The following NXPE3 variants were observed in gnomAD, a reference collection of about 807,000 sequenced individuals.
The protein encoded by NXPE3 is NXPE family member 3.
NXPE3 carries 26 observed loss-of-function variants against 46.1 expected under a neutral mutation model. The ratio of observed to expected loss-of-function variants is 0.56; its 90% CI spans 0.41 to 0.78. The LOEUF (loss-of-function observed/expected upper bound fraction) is 0.78, where lower values mean the gene tolerates loss of function less well. Ranked by LOEUF, NXPE3 falls within the 30% of genes least tolerant of loss-of-function variation. The pLI, the probability that NXPE3 is intolerant of heterozygous loss-of-function variation, is 0.00. For missense variants in NXPE3, 620 were observed against 686.0 expected (o/e 0.90, Z 1.07); for synonymous variants, 272 against 257.9 (o/e 1.05, Z -0.52).
intron 4 of NXPE3, among the ~76,000 whole-genome samples, chr3:101,788,638 C>T (rs181232926): frequency 4.7e-4 from 71 of 151,938 alleles, no homozygotes; most frequent in African/African-American, 1.4e-3. Flanking sequence ...TTTTTTGAGA[C>T]GGAGTCTTGC....
intron 4 of NXPE3, among the ~76,000 whole-genome samples, chr3:101,790,151 G>A (rs771408109): frequency 1.4e-4 from 21 of 152,040 alleles, no homozygotes; most frequent in Non-Finnish European, 2.5e-4. Flanking sequence ...ACAAAATATG[G>A]TCTATTTTGG....
At chr3:101,792,941 G>T (rs1940601503) in intron 4 of NXPE3, among the ~76,000 whole-genome samples, 1 of 152,108 alleles carries the variant, frequency 6.6e-6, no homozygotes, top group Non-Finnish European at 1.5e-5. Context: ...TGATTTATTT[G>T]AGTAGTGTTT....
chr3:101,809,646 T>G (rs1215249171), intron 6 of NXPE3, among the ~76,000 whole-genome samples: 1 of 152,178 alleles, frequency 6.6e-6, no homozygotes, highest in African/African-American at 2.4e-5. Context: ...TTTATATCAG[T>G]GTAGACTCAT....
chr3:101,799,846 T>C (rs1403900264), intron 4 of NXPE3, among the ~76,000 whole-genome samples: 1 of 152,226 alleles, frequency 6.6e-6, no homozygotes, highest in African/African-American at 2.4e-5. Context: ...ATCAAATTTA[T>C]GGGCATAGAA....
At chr3:101,783,179 A>G (rs150532654) in intron 3 of NXPE3, among the ~76,000 whole-genome samples, 2,478 of 152,140 alleles carry the variant, frequency 0.016, 75 homozygotes, top group African/African-American at 0.057. Flanking sequence ...CTCCTGCCTC[A>G]GCCTCCCGAG....
At position 101,823,092 on chromosome 3, in the gene NXPE3, T is replaced by C. The variant is rs569473310; in HGVS notation, c.*1138T>C. 120 of 152,076 alleles carry C rather than the reference T, an allele frequency of 7.9e-4. No individual in the cohort carries two copies. Among genetic ancestry groups the C allele is most frequent in the African/African-American group, 2.7e-3 (110 of 41,464 alleles). The allele number at this position is 152,076 out of a possible 1,614,324, so 9.4% of individuals were successfully genotyped here. On this transcript the variant is annotated 3_prime_UTR_variant, in exon 8 of 8. Coordinates refer to ENST00000273347, the MANE Select transcript of NXPE3 (RefSeq NM_145037.4). ...ATTTGACTTATTAATTTTAAACGAG[T>C]TTAATTTGGGATCATTTAGTAAGTA...
At chr3:101,781,843 T>C (rs1326607363) in intron 1 of NXPE3, 1 of 152,216 alleles carries the variant, frequency 6.6e-6, no homozygotes, top group Non-Finnish European at 1.5e-5. Context: ...GTTTATATTT[T>C]TTCACTTATA....
At chr3:101,801,201 T>G in intron 4 of NXPE3, 34 bp from the exon 5 acceptor site, 1 of 1,564,618 alleles carries the variant, frequency 6.4e-7, no homozygotes, top group Non-Finnish European at 8.7e-7. Context: ...CCTATTATAG[T>G]GGTAATTTCT....
At chr3:101,807,494 AT>A (rs1007472069) in intron 6 of NXPE3, among the ~76,000 whole-genome samples, 7 of 145,764 alleles carry the variant, frequency 4.8e-5, no homozygotes, top group South Asian at 2.2e-4. Flanking sequence ...TGATTTTTGC[AT>A]TTTTTTTTTG....
At position 101,825,300 on chromosome 3, in the gene NXPE3, A is replaced by G. The variant is rs546880776; in HGVS notation, c.*3346A>G. 6 of 152,326 alleles carry G rather than the reference A, an allele frequency of 3.9e-5. No homozygotes were observed. The South Asian group carries it at 1.0e-3, about 26-fold the overall frequency. The allele number at this position is 152,326 out of a possible 1,614,324, so 9.4% of individuals were successfully genotyped here. A position where few individuals can be genotyped will look rare whatever the true frequency, so the allele number is the denominator to read the frequency against. On this transcript the variant is annotated 3_prime_UTR_variant, in exon 8 of 8. Transcript: ENST00000273347. ...TCTTCACTCTGGTGTGGAAATTTTG[A>G]TAGAGATTCCAATATCACTTAAACG...
At chr3:101,782,420 T>C (rs1283436383) in intron 2 of NXPE3, 130 bp downstream of exon 2, 1 of 152,204 alleles carries the variant, frequency 6.6e-6, no homozygotes, top group Non-Finnish European at 1.5e-5. Flanking sequence ...ATTCCTGTTA[T>C]AATGCGTAGG....
intron 5 of NXPE3, among the ~76,000 whole-genome samples, chr3:101,802,300 A>C (rs1467051864): frequency 6.6e-6 from 1 of 152,038 alleles, no homozygotes; most frequent in African/African-American, 2.4e-5. Flanking sequence ...TGTAAGTAAA[A>C]TCCCTTATTC....
rs1433202019 is a variant in NXPE3, at chr3:101,825,541, G to C, written c.*3587G>C. ...AAATCCATAATTCTATCATCTGAAT[G>C]CAATGAACATTAGCATTTAGGTATA... On this transcript the variant is annotated 3_prime_UTR_variant, in exon 8 of 8. Coordinates refer to ENST00000273347, the MANE Select transcript of NXPE3 (RefSeq NM_145037.4). The C allele has an allele frequency of 6.6e-6, 1 of 152,096 alleles. No homozygotes were observed. The highest frequency in any genetic ancestry group is 1.5e-5 in the Non-Finnish European group (1 of 68,022). 9.4% of individuals were successfully genotyped at this position (152,096 alleles called of 1,614,324 possible).
chr3:101,797,528 C>T (rs62280785), intron 4 of NXPE3, among the ~76,000 whole-genome samples: 6 of 130,622 alleles, frequency 4.6e-5, no homozygotes, highest in Non-Finnish European at 6.5e-5. Context: ...CACCCACTAA[C>T]GTGTCATCTA....
At chr3:101,809,384 G>C (rs893477398) in intron 6 of NXPE3, among the ~76,000 whole-genome samples, 1 of 152,086 alleles carries the variant, frequency 6.6e-6, no homozygotes, top group Non-Finnish European at 1.5e-5. Flanking sequence ...GGACCAGCAG[G>C]GGGCATTCAA....
At chr3:101,796,841 T>C (rs976740176) in intron 4 of NXPE3, among the ~76,000 whole-genome samples, 1 of 152,196 alleles carries the variant, frequency 6.6e-6, no homozygotes, top group Non-Finnish European at 1.5e-5. Flanking sequence ...TATTTTTACC[T>C]TATGTAGGAT....
chr3:101,805,327 G>A (rs773910748), intron 5 of NXPE3, among the ~76,000 whole-genome samples: 3 of 151,702 alleles, frequency 2.0e-5, no homozygotes, highest in African/African-American at 7.3e-5. Context: ...TCTAATCTAT[G>A]CTTACTCAGT....
At chr3:101,815,363 G>A (rs1050123794) in intron 6 of NXPE3, among the ~76,000 whole-genome samples, 76 of 152,142 alleles carry the variant, frequency 5.0e-4, no homozygotes, top group African/African-American at 1.7e-3. Context: ...TTGAAGATGG[G>A]ATTCATGGAT....
chr3:101,787,656 A>G (rs561043905), intron 4 of NXPE3, among the ~76,000 whole-genome samples: 17 of 152,192 alleles, frequency 1.1e-4, no homozygotes, highest in Non-Finnish European at 2.2e-4. Flanking sequence ...TAACGTCCCC[A>G]AGGTTCACTC....
Sources: allele counts gnomAD v4.1 joint callset (sites outside exome capture counted in the v4.1 genomes callset), GRCh38; gene constraint gnomAD v4.1.1; transcripts MANE v1.5; gene names NCBI Gene and HGNC (gene_info 2026-07-23, HGNC 2026-07-21).